Variants in VWA8 observed in about 807,000 individuals in gnomAD.
The protein encoded by VWA8 is von Willebrand factor A domain containing 8.
Under a neutral mutation model 241.5 loss-of-function variants are expected in VWA8, and 221 were observed. That is an observed-to-expected ratio of 0.91 (90% CI 0.82 to 1.02). VWA8 has a LOEUF of 1.02. Among genes scored for constraint, VWA8 ranks in the 50% least tolerant of loss-of-function variants. The pLI is 0.00. For synonymous variants in VWA8, 852 were observed against 827.1 expected, an observed-to-expected ratio of 1.03 and a Z score of -0.52; for missense variants, 2,322 against 2,328.7, an observed-to-expected ratio of 1.00 and a Z score of 0.06.
chr13:41,901,080 C>A (rs1875401569), intron 4 of VWA8, among the ~76,000 whole-genome samples: 1 of 149,702 alleles, frequency 6.7e-6, no homozygotes, highest in Admixed American at 6.6e-5. Flanking sequence ...TGAATACAAT[C>A]ATCATTGTCA....
At chr13:41,738,980 G>A (rs2045546385) in intron 21 of VWA8, among the ~76,000 whole-genome samples, 1 of 152,234 alleles carries the variant, frequency 6.6e-6, no homozygotes, top group South Asian at 2.1e-4. Context: ...TATCAATTGA[G>A]TAACAACACA....
intron 2 of VWA8, chr13:41,927,198 A>C (rs1876887443): frequency 2.1e-6 from 1 of 467,250 alleles, no homozygotes; most frequent in African/African-American, 2.0e-5. Context: ...TGGAATACGT[A>C]CAGGCATGGG....
At chr13:41,836,220 G>A (rs1213661755) in intron 12 of VWA8, among the ~76,000 whole-genome samples, 1 of 152,044 alleles carries the variant, frequency 6.6e-6, no homozygotes, top group African/African-American at 2.4e-5. Context: ...TAAATTAAAA[G>A]TAAAGTTAAA....
At chr13:41,629,738 T>C (rs539053598) in intron 37 of VWA8, among the ~76,000 whole-genome samples, 2 of 152,356 alleles carry the variant, frequency 1.3e-5, no homozygotes, top group East Asian at 1.9e-4. Context: ...ATAACCAGTA[T>C]GTTCTACAAT....
intron 13 of VWA8, 41 bp downstream of exon 13, chr13:41,833,330 G>A (rs1393866900): frequency 1.3e-6 from 2 of 1,558,746 alleles, no homozygotes; most frequent in Non-Finnish European, 1.7e-6. Flanking sequence ...AAGTCAGAGT[G>A]GGGTGTGTGT....
At chr13:41,729,916 C>T (rs559914689) in intron 22 of VWA8, among the ~76,000 whole-genome samples, 2 of 151,822 alleles carry the variant, frequency 1.3e-5, no homozygotes, top group South Asian at 2.1e-4. Flanking sequence ...GCCAACTCTA[C>T]AGTTATCTTT....
Position 41,731,963 on chromosome 13 carries a change from T to C in VWA8, c.2502+117A>G. On this transcript the variant is annotated intron_variant, in intron 22 of 44. Coordinates refer to ENST00000379310, the MANE Select transcript of VWA8 (RefSeq NM_015058.2). ...TTACCCCGTCTCAGGTATGTCTTTATAAGCAGCATGAAAACAGACTAATAC... is the reference window on the plus strand; with the variant it reads ...TTACCCCGTCTCAGGTATGTCTTTACAAGCAGCATGAAAACAGACTAATAC... 5 of 823,848 alleles carry C rather than the reference T, an allele frequency of 6.1e-6. No individual in the cohort carries two copies. The Admixed American group carries it at 7.4e-5, about 12-fold the overall frequency. The allele number at this position is 823,848 out of a possible 1,614,324, so 51.0% of individuals were successfully genotyped here. A position where few individuals can be genotyped will look rare whatever the true frequency, so the allele number is the denominator to read the frequency against.
intron 10 of VWA8, 122 bp from the exon 11 acceptor site, chr13:41,866,158 G>A: frequency 1.6e-6 from 2 of 1,253,696 alleles, no homozygotes; most frequent in Non-Finnish European, 2.2e-6. Context: ...GACCAGCCTG[G>A]CCAATATGGT....
intron 12 of VWA8, among the ~76,000 whole-genome samples, chr13:41,853,089 A>G (rs1872588854): frequency 6.6e-6 from 1 of 152,128 alleles, no homozygotes; most frequent in African/African-American, 2.4e-5. Flanking sequence ...GAAACAGAAA[A>G]AAGTTTTACT....
At chr13:41,857,316 A>T (rs1246498518) in intron 12 of VWA8, among the ~76,000 whole-genome samples, 1 of 152,214 alleles carries the variant, frequency 6.6e-6, no homozygotes, top group Non-Finnish European at 1.5e-5. Flanking sequence ...AGTTACAATG[A>T]TGACTTACAA....
intron 17 of VWA8, among the ~76,000 whole-genome samples, chr13:41,787,945 G>A (rs116616581): frequency 1.3e-3 from 191 of 152,198 alleles, no homozygotes; most frequent in African/African-American, 4.5e-3. Context: ...CAGTGGAGAT[G>A]GATTAATGAG....
chr13:41,942,072 C>T (rs1877626412), intron 2 of VWA8, among the ~76,000 whole-genome samples: 1 of 152,108 alleles, frequency 6.6e-6, no homozygotes, highest in Non-Finnish European at 1.5e-5. Context: ...CCTTTTCCCC[C>T]CAATTATCAT....
intron 5 of VWA8, among the ~76,000 whole-genome samples, chr13:41,889,503 C>A (rs1024712532): frequency 3.3e-5 from 5 of 151,944 alleles, no homozygotes; most frequent in Non-Finnish European, 5.9e-5. Context: ...CTCAGCCTCC[C>A]GAGTAGCTGG....
intron 21 of VWA8, among the ~76,000 whole-genome samples, chr13:41,751,125 T>A (rs917169499): frequency 6.7e-6 from 1 of 149,134 alleles, no homozygotes. Flanking sequence ...GTAGCTGCTA[T>A]GCAAATGTTA....
chr13:41,849,051 CT>C (rs1872410669), intron 12 of VWA8, among the ~76,000 whole-genome samples: 1 of 152,148 alleles, frequency 6.6e-6, no homozygotes, highest in Admixed American at 6.5e-5. Flanking sequence ...AAAAGATTGC[CT>C]TTTCCTTCTC....
chr13:41,628,753 G>C (rs530266021), intron 37 of VWA8, among the ~76,000 whole-genome samples: 2 of 152,156 alleles, frequency 1.3e-5, no homozygotes, highest in Admixed American at 6.5e-5. Context: ...ATAAAAAAGG[G>C]GACAACAGGC....
At chr13:41,792,495 C>G (rs1869505158) in intron 17 of VWA8, among the ~76,000 whole-genome samples, 1 of 151,954 alleles carries the variant, frequency 6.6e-6, no homozygotes, top group Non-Finnish European at 1.5e-5. Context: ...TGTACCAACA[C>G]ATACTATTAT....
chr13:41,835,198 T>C (rs920984181), intron 12 of VWA8, among the ~76,000 whole-genome samples: 1 of 152,120 alleles, frequency 6.6e-6, no homozygotes, highest in Non-Finnish European at 1.5e-5. Flanking sequence ...CGTTTACCCA[T>C]GTAACAAACC....
intron 10 of VWA8, among the ~76,000 whole-genome samples, chr13:41,866,630 A>T (rs1245769247): frequency 1.3e-5 from 2 of 152,132 alleles, no homozygotes; most frequent in African/African-American, 4.8e-5. Context: ...AAAGTCCCAC[A>T]TTATCAGATG....
Sources: gnomAD v4.1 joint callset for allele counts (sites outside exome capture counted in the v4.1 genomes callset) on GRCh38, gnomAD v4.1.1 for gene constraint, MANE v1.5 for transcripts, NCBI Gene and HGNC (gene_info 2026-07-23, HGNC 2026-07-21) for gene names.